ANKRD30BL: variants seen among roughly 807,000 people sequenced by gnomAD.
ANKRD30BL encodes ankyrin repeat domain 30B like.
A neutral mutation model predicts 18.4 loss-of-function variants in ANKRD30BL; 20 were observed. That is an observed-to-expected ratio of 1.09 (90% CI 0.77 to 1.58). ANKRD30BL has a LOEUF of 1.58. Among genes scored for constraint, ANKRD30BL ranks in the 40% most tolerant of loss-of-function variants. ANKRD30BL has a pLI of 0.00. For synonymous variants in ANKRD30BL, 72 were observed against 100.9 expected (o/e 0.71, Z 1.72); for missense variants, 224 against 268.6 (o/e 0.83, Z 1.16).
At chr2:132,217,661 C>T (rs1326743198) in intron 1 of ANKRD30BL, among the ~76,000 whole-genome samples, 1 of 152,276 alleles carries the variant, frequency 6.6e-6, no homozygotes, top group Non-Finnish European at 1.5e-5. Context: ...TGTGTACATT[C>T]ATGTCACAGA....
chr2:132,154,809 A>G (rs528089750), intron 3 of ANKRD30BL, 41 bp from the exon 4 acceptor site: 164 of 660,078 alleles, frequency 2.5e-4, no homozygotes, highest in African/African-American at 2.4e-3. Context: ...ATGAAATTAC[A>G]TATTTCTCAG....
chr2:132,255,781 T>C (rs1214298719), intron 1 of ANKRD30BL, among the ~76,000 whole-genome samples: 1 of 152,164 alleles, frequency 6.6e-6, no homozygotes, highest in Non-Finnish European at 1.5e-5. Flanking sequence ...GAACCCTGAT[T>C]CCCTGTCACC....
chr2:132,242,387 A>G (rs1436871491), intron 1 of ANKRD30BL, among the ~76,000 whole-genome samples: 1 of 151,822 alleles, frequency 6.6e-6, no homozygotes, highest in African/African-American at 2.4e-5. Flanking sequence ...AAATCTAGAC[A>G]GAAGCATTCT....
At chr2:132,240,424 CTT>C (rs1302678522) in intron 1 of ANKRD30BL, among the ~76,000 whole-genome samples, 1 of 151,832 alleles carries the variant, frequency 6.6e-6, no homozygotes, top group Non-Finnish European at 1.5e-5. Context: ...TTGAAACACT[CTT>C]TTTGTAGAAT....
rs1679015862 is a variant in ANKRD30BL at position 132,198,324 on chromosome 2, C to CTTTTTTCT, written n.442-41179_442-41178insAGAAAAAA. Reference sequence around the variant, plus strand: ...TCTTTCTTTCTTTCTTTCTTTCTTTCTTTTTTTTTTTTTTTTTTAGACAGA... The same window carrying CTTTTTTCT: ...TCTTTCTTTCTTTCTTTCTTTCTTTCTTTTTTCTTTTTTTTTTTTTTTTTTTAGACAGA... On this transcript the variant is annotated intron_variant and non_coding_transcript_variant, in intron 1 of 4. Transcript: ENST00000470729. Among the ~76,000 whole-genome samples the CTTTTTTCT allele has an allele frequency of 7.1e-4, 12 of 16,832 alleles. 1 individual carries two copies. The highest frequency in any genetic ancestry group is 1.5e-3 in the Admixed American group (2 of 1,298). The allele number at this position is 16,832 out of a possible 152,430, so 11.0% of individuals were successfully genotyped here.
chr2:132,200,282 A>T (rs62161720), intron 1 of ANKRD30BL, among the ~76,000 whole-genome samples: 1 of 151,500 alleles, frequency 6.6e-6, no homozygotes, highest in African/African-American at 2.4e-5. Flanking sequence ...TAGTGATGGA[A>T]GTTCTGGCCA....
chr2:132,217,578 G>T (rs998883276), intron 1 of ANKRD30BL, among the ~76,000 whole-genome samples: 2 of 152,162 alleles, frequency 1.3e-5, no homozygotes, highest in African/African-American at 4.8e-5. Flanking sequence ...GGACCGCTTT[G>T]AGGCATTCGT....
intron 1 of ANKRD30BL, among the ~76,000 whole-genome samples, chr2:132,199,541 C>G (rs1412594503): frequency 2.0e-5 from 3 of 151,310 alleles, no homozygotes; most frequent in Non-Finnish European, 4.4e-5. Flanking sequence ...CAGTCTCGCT[C>G]TGTGGTCCAA....
intron 1 of ANKRD30BL, among the ~76,000 whole-genome samples, chr2:132,216,412 A>C (rs1679499312): frequency 6.6e-6 from 1 of 151,932 alleles, no homozygotes; most frequent in South Asian, 2.1e-4. Flanking sequence ...GTTTTCATTC[A>C]ACCCACAGAG....
At chr2:132,222,384 G>A (rs1679716315) in intron 1 of ANKRD30BL, among the ~76,000 whole-genome samples, 1 of 152,084 alleles carries the variant, frequency 6.6e-6, no homozygotes, top group African/African-American at 2.4e-5. Context: ...GCGGTTTTGT[G>A]GAATAGAAAG....
intron 1 of ANKRD30BL, among the ~76,000 whole-genome samples, chr2:132,207,273 C>T (rs1679228881): frequency 6.6e-6 from 1 of 152,132 alleles, no homozygotes; most frequent in Non-Finnish European, 1.5e-5. Context: ...CAGCTTAATT[C>T]AAATCAATAC....
rs187232353 is a variant in ANKRD30BL at position 132,191,899 on chromosome 2, G to A, written n.442-34753C>T. ...TGGGACTACAGGCTCTCACCACCAC[G>A]CCTGGCTAATTTTTTTGTATATTTT... On this transcript the variant is annotated intron_variant and non_coding_transcript_variant, in intron 1 of 4. Transcript: ENST00000470729. 7.8e-3 allele frequency among the ~76,000 whole-genome samples: 1,185 copies of A among 151,824 alleles called. 18 individuals carry two copies. The highest frequency in any genetic ancestry group is 0.026 in the African/African-American group (1,077 of 41,412).
chr2:132,203,659 T>A (rs949583607), intron 1 of ANKRD30BL, among the ~76,000 whole-genome samples: 1 of 152,018 alleles, frequency 6.6e-6, no homozygotes, highest in Non-Finnish European at 1.5e-5. Flanking sequence ...GATATTAGTG[T>A]GATGACATAC....
intron 1 of ANKRD30BL, among the ~76,000 whole-genome samples, chr2:132,250,910 T>C (rs2104808549): frequency 1.3e-5 from 2 of 152,322 alleles, no homozygotes; most frequent in African/African-American, 4.8e-5. Context: ...CTTTTCATTT[T>C]TGGGGGTCCA....
intron 1 of ANKRD30BL, among the ~76,000 whole-genome samples, chr2:132,230,794 C>T (rs1167640383): frequency 6.6e-6 from 1 of 152,060 alleles, no homozygotes; most frequent in Non-Finnish European, 1.5e-5. Flanking sequence ...ACTTTGAGGC[C>T]TATGGTGGAA....
intron 1 of ANKRD30BL, among the ~76,000 whole-genome samples, chr2:132,181,661 A>G (rs1431647900): frequency 6.6e-6 from 1 of 152,172 alleles, no homozygotes; most frequent in Non-Finnish European, 1.5e-5. Flanking sequence ...TCTAAGGACA[A>G]CCCTTTTAAA....
At chr2:132,188,432 G>A (rs1178850794) in intron 1 of ANKRD30BL, among the ~76,000 whole-genome samples, 2 of 152,170 alleles carry the variant, frequency 1.3e-5, no homozygotes, top group African/African-American at 4.8e-5. Flanking sequence ...AATCAAATTA[G>A]CGGGCAGGGC....
chr2:132,148,339 CT>C, intron 5 of ANKRD30BL, 111 bp from the exon 6 acceptor site: 1 of 231,576 alleles, frequency 4.3e-6, no homozygotes, highest in African/African-American at 2.9e-5. Flanking sequence ...TACTACCAAA[CT>C]TTTGTTTTCT....
At chr2:132,213,502 T>G (rs1023956122) in intron 1 of ANKRD30BL, among the ~76,000 whole-genome samples, 8 of 152,366 alleles carry the variant, frequency 5.3e-5, no homozygotes, top group African/African-American at 1.9e-4. Context: ...GCGGAAGCAT[T>G]CTGAGAAACT....
Sources: allele counts gnomAD v4.1 joint callset (sites outside exome capture counted in the v4.1 genomes callset), GRCh38; gene constraint gnomAD v4.1.1; transcripts MANE v1.5; gene names NCBI Gene and HGNC (gene_info 2026-07-23, HGNC 2026-07-21).